Variants in SACS observed in about 807,000 individuals in gnomAD.
SACS encodes sacsin molecular chaperone.
In SACS, 197 loss-of-function variants were observed where a neutral mutation model predicts 348.0. That is an observed-to-expected ratio of 0.57 (90% CI 0.50 to 0.64). The LOEUF (loss-of-function observed/expected upper bound fraction) is 0.64. Ranked by LOEUF, SACS falls within the 30% of genes least tolerant of loss-of-function variation. The pLI is 0.00. For synonymous variants in SACS, 1,985 were observed against 1,910.6 expected (o/e 1.04, Z -1.02); for missense variants, 4,999 against 5,360.8 (o/e 0.93, Z 2.11).
intron 2 of SACS, among the ~76,000 whole-genome samples, chr13:23,382,956 ATTTT>A (rs67400239): frequency 3.2e-5 from 3 of 93,462 alleles, no homozygotes; most frequent in Admixed American, 1.2e-4. Context: ...TGCCCAGCTA[ATTTT>A]TTTTTTTTTT....
chr13:23,430,144 G>C (rs905136424), intron 1 of SACS, among the ~76,000 whole-genome samples: 2 of 151,978 alleles, frequency 1.3e-5, no homozygotes, highest in Non-Finnish European at 2.9e-5. Flanking sequence ...GGAAGTGGAG[G>C]TTGCAGTGAG....
At chr13:23,397,251 C>A (rs1359668) in intron 2 of SACS, among the ~76,000 whole-genome samples, 44,716 of 152,014 alleles carry the variant, frequency 0.29, 6,859 homozygotes, top group East Asian at 0.45. Context: ...TTTGCAAACT[C>A]TGTTTTCATT....
In SACS at chr13:23,332,391, G is replaced by T. The variant is rs1458589158; in HGVS notation, c.11485C>A (p.Pro3829Thr). ...TGGTGAAATGTGCCAAGTTCTAAAGGTAGCTTGTACAAATAAGGTTTAAAA... is the reference window on the plus strand; with the variant it reads ...TGGTGAAATGTGCCAAGTTCTAAAGTTAGCTTGTACAAATAAGGTTTAAAA... ...SDFKPYLYKL[P>T]LELGTFHQLF... The change falls in exon 10 of 10, where the codon CCT (proline) becomes ACT (threonine). Residue 3829 changes from proline to threonine, a missense_variant. By Grantham distance (38) the Pro-to-Thr change is conservative (BLOSUM62 -1). Coordinates refer to ENST00000382292, the MANE Select transcript of SACS (RefSeq NM_014363.6). 6.2e-7 allele frequency: 1 copy of T among 1,613,832 alleles called. No homozygotes were observed. Among genetic ancestry groups the T allele is most frequent in the Admixed American group, 1.7e-5 (1 of 59,996 alleles).
chr13:23,401,762 C>T (rs1429271774), intron 2 of SACS, among the ~76,000 whole-genome samples: 2 of 152,158 alleles, frequency 1.3e-5, no homozygotes, highest in Admixed American at 6.5e-5. Context: ...AATCACAGGC[C>T]GAAGTGCTTG....
intron 3 of SACS, among the ~76,000 whole-genome samples, 175 bp from the exon 4 acceptor site, chr13:23,371,340 A>G (rs1431399979): frequency 6.6e-6 from 1 of 152,222 alleles, no homozygotes; most frequent in Non-Finnish European, 1.5e-5. Flanking sequence ...CAAAAACTTT[A>G]TTTAAAAATT....
chr13:23,382,947 G>T (rs1872126716), intron 2 of SACS, among the ~76,000 whole-genome samples: 1 of 135,886 alleles, frequency 7.4e-6, no homozygotes, highest in South Asian at 2.5e-4. Context: ...GTACCACCAT[G>T]CCCAGCTAAT....
intron 1 of SACS, among the ~76,000 whole-genome samples, chr13:23,433,071 AAAT>A (rs1874499538): frequency 6.6e-6 from 1 of 152,228 alleles, no homozygotes; most frequent in Non-Finnish European, 1.5e-5. Context: ...CAGGATTTTC[AAAT>A]ATTATATAAG....
chr13:23,368,986 AC>A (rs1240496860), intron 4 of SACS, among the ~76,000 whole-genome samples: 1 of 152,242 alleles, frequency 6.6e-6, no homozygotes, highest in African/African-American at 2.4e-5. Context: ...GGCGTGAGCC[AC>A]CATGCCTGGC....
chr13:23,407,843 G>A (rs1873301229), intron 2 of SACS, among the ~76,000 whole-genome samples: 1 of 152,110 alleles, frequency 6.6e-6, no homozygotes, highest in Non-Finnish European at 1.5e-5. Context: ...CCGGCTATCT[G>A]ATCACCTCCA....
At chr13:23,419,516 G>A (rs538932680) in intron 1 of SACS, among the ~76,000 whole-genome samples, 2 of 152,198 alleles carry the variant, frequency 1.3e-5, no homozygotes, top group Admixed American at 1.3e-4. Context: ...AATGTTTCTT[G>A]GGAAACCGGG....
Position 23,337,299 on chromosome 13 carries a change from CG to C in SACS, c.6576del (p.Ile2192MetfsTer5), listed in dbSNP as rs1868718765. ...GGATCCCTTATTTTTAGTTTCTCAT[CG>C]ATAAGACTCAATAAGATACTACTTC... Reference protein sequence around the residue: ...CLRSSILLSLIDEKLKIRDPR... With the variant: ...CLRSSILLSLXDEKLKIRDPR... On this transcript the variant is annotated frameshift_variant, in exon 10 of 10. Coordinates refer to ENST00000382292, the MANE Select transcript of SACS (RefSeq NM_014363.6). LOFTEE classifies it high-confidence loss of function. 6.2e-7 allele frequency: 1 copy of C among 1,613,546 alleles called. No homozygotes were observed. Among genetic ancestry groups the C allele is most frequent in the African/African-American group, 1.3e-5 (1 of 74,858 alleles).
chr13:23,387,652 G>A (rs1199813852), intron 2 of SACS, among the ~76,000 whole-genome samples: 5 of 152,040 alleles, frequency 3.3e-5, no homozygotes, highest in African/African-American at 1.2e-4. Flanking sequence ...CTGGGAAGTT[G>A]CCATTCACCT....
At chr13:23,398,746 T>C (rs965648178) in intron 2 of SACS, among the ~76,000 whole-genome samples, 1 of 152,000 alleles carries the variant, frequency 6.6e-6, no homozygotes, top group Admixed American at 6.6e-5. Flanking sequence ...CAAAGTTTTA[T>C]TGTGCAGAGG....
At chr13:23,429,621 C>A (rs531529172) in intron 1 of SACS, among the ~76,000 whole-genome samples, 2 of 151,642 alleles carry the variant, frequency 1.3e-5, no homozygotes, top group Non-Finnish European at 2.9e-5. Context: ...CCTGGCCCTC[C>A]CAAAGTGCTG....
At chr13:23,342,183 T>C (rs1204098932) in intron 9 of SACS, among the ~76,000 whole-genome samples, 3 of 152,206 alleles carry the variant, frequency 2.0e-5, no homozygotes, top group African/African-American at 7.2e-5. Flanking sequence ...AAAATCTATA[T>C]ATAAATCCAT....
intron 2 of SACS, among the ~76,000 whole-genome samples, chr13:23,399,019 C>CAAAAA (rs752943692): frequency 0.01 from 675 of 67,092 alleles, 25 homozygotes; most frequent in African/African-American, 0.034. Flanking sequence ...GACTCCATCT[C>CAAAAA]AAAAAAAAAA....
intron 5 of SACS, 89 bp from the exon 6 acceptor site, chr13:23,365,366 A>C (rs1871001449): frequency 1.3e-6 from 1 of 758,530 alleles, no homozygotes; most frequent in Non-Finnish European, 2.1e-6. Context: ...TTAAGAAGTT[A>C]ATATACTTAA....
intron 1 of SACS, among the ~76,000 whole-genome samples, chr13:23,413,540 G>T (rs1294399885): frequency 6.6e-6 from 1 of 152,104 alleles, no homozygotes; most frequent in Non-Finnish European, 1.5e-5. Context: ...CTTATTCTGC[G>T]TTTGCTATGC....
At chr13:23,350,887 G>C (rs1323441851) in intron 9 of SACS, among the ~76,000 whole-genome samples, 5 of 152,158 alleles carry the variant, frequency 3.3e-5, no homozygotes, top group Non-Finnish European at 1.5e-5. Flanking sequence ...TGCTCAGCAG[G>C]ACTCAAAGGG....
Sources: allele counts gnomAD v4.1 joint callset (sites outside exome capture counted in the v4.1 genomes callset), GRCh38; gene constraint gnomAD v4.1.1; transcripts MANE v1.5; gene names NCBI Gene and HGNC (gene_info 2026-07-23, HGNC 2026-07-21).